Variants in FNIP1 observed in about 807,000 individuals in gnomAD.
The protein encoded by FNIP1 is folliculin interacting protein 1.
FNIP1 carries 40 observed loss-of-function variants against 124.5 expected under a neutral mutation model. The observed-to-expected ratio is 0.32, with a 90% CI of 0.25 to 0.42. The LOEUF is 0.42. Ranked by LOEUF, FNIP1 falls within the 10% of genes least tolerant of loss-of-function variation. The probability of loss-of-function intolerance (pLI) is 1.00; values close to 1 mark genes in which losing one functional copy is unlikely to be tolerated. For missense variants in FNIP1, 1,176 were observed against 1,403.7 expected, an observed-to-expected ratio of 0.84 and a Z score of 2.59; for synonymous variants, 472 against 470.6, an observed-to-expected ratio of 1.00 and a Z score of -0.04.
Position 131,719,035 on chromosome 5 carries a change from T to C in FNIP1, c.481A>G (p.Lys161Glu). 1 of 1,613,662 alleles carries C rather than the reference T, an allele frequency of 6.2e-7. No homozygotes were observed. Among genetic ancestry groups the C allele is most frequent in the Non-Finnish European group, 8.5e-7 (1 of 1,179,664 alleles). Residue 161 changes from lysine to glutamate, a missense_variant, in exon 5 of 18, where the codon AAA becomes GAA. Transcript: ENST00000510461. Reference protein sequence around the residue: ...IRSPPQLMLSKVFTARTGSSI... With the variant: ...IRSPPQLMLSEVFTARTGSSI... ...CTGCCAGTCCGAGCAGTAAACACTT[T>C]GCTGAGCATGAGCTGTGGAGGGGAA...
At chr5:131,773,960 G>C in intron 1 of FNIP1, among the ~76,000 whole-genome samples, 1 of 152,178 alleles carries the variant, frequency 6.6e-6, no homozygotes, top group East Asian at 1.9e-4. Flanking sequence ...AAAAGAGGGA[G>C]CAGGGGGAGG....
intron 3 of FNIP1, among the ~76,000 whole-genome samples, chr5:131,719,666 TAC>T (rs923563678): frequency 6.6e-5 from 10 of 152,346 alleles, no homozygotes; most frequent in Non-Finnish European, 1.0e-4. Flanking sequence ...ATGAAAATAC[TAC>T]AGTTTGTCAG....
intron 5 of FNIP1, among the ~76,000 whole-genome samples, 172 bp downstream of exon 5, chr5:131,718,814 C>G (rs1432696865): frequency 2.0e-5 from 3 of 152,216 alleles, no homozygotes; most frequent in Non-Finnish European, 2.9e-5. Context: ...AACCACATCT[C>G]ATGTTTCTCA....
chr5:131,653,763 A>G (rs1767112846), intron 15 of FNIP1, among the ~76,000 whole-genome samples: 1 of 152,182 alleles, frequency 6.6e-6, no homozygotes. Flanking sequence ...TTTTTCAGAC[A>G]GTCTCACTCT....
At chr5:131,699,486 C>T (rs1048954340) in intron 10 of FNIP1, among the ~76,000 whole-genome samples, 8 of 151,366 alleles carry the variant, frequency 5.3e-5, no homozygotes, top group African/African-American at 1.5e-4. Context: ...CTCTGCCACC[C>T]GGGTTCAAGC....
chr5:131,734,071 T>C (rs1277840300), intron 2 of FNIP1, among the ~76,000 whole-genome samples: 1 of 152,188 alleles, frequency 6.6e-6, no homozygotes, highest in Non-Finnish European at 1.5e-5. Flanking sequence ...GATGTATGTG[T>C]TGAGGAATTT....
intron 2 of FNIP1, among the ~76,000 whole-genome samples, chr5:131,740,642 A>G (rs886876098): frequency 6.6e-6 from 1 of 152,228 alleles, no homozygotes; most frequent in Non-Finnish European, 1.5e-5. Context: ...ATATCTCAAT[A>G]TATTTTTCTA....
At chr5:131,746,543 T>C (rs902316757) in intron 1 of FNIP1, among the ~76,000 whole-genome samples, 3 of 152,236 alleles carry the variant, frequency 2.0e-5, no homozygotes, top group African/African-American at 7.2e-5. Flanking sequence ...TTTCTGTTCC[T>C]GCATTAATTC....
chr5:131,677,060 G>A (rs1433067675), intron 13 of FNIP1, among the ~76,000 whole-genome samples: 2 of 152,172 alleles, frequency 1.3e-5, no homozygotes, highest in East Asian at 3.8e-4. Flanking sequence ...CATTTTACAT[G>A]TATTATCTCT....
rs567290369 is a variant in FNIP1, at chr5:131,727,759, T to C, written c.354+3145A>G. On this transcript the variant is annotated intron_variant, in intron 3 of 17. Coordinates refer to ENST00000510461, the MANE Select transcript of FNIP1 (RefSeq NM_133372.3). ...TTATTTTGCCTGTTTGTTCATGCTG[T>C]TTCTTCTTAGTGTCAACAGTGTTTA... 1.4e-4 allele frequency among the ~76,000 whole-genome samples: 21 copies of C among 152,310 alleles called. No individual in the cohort carries two copies. The South Asian group carries it at 4.4e-3, about 32-fold the overall frequency.
intron 15 of FNIP1, among the ~76,000 whole-genome samples, chr5:131,667,031 T>C (rs927057970): frequency 2.6e-5 from 4 of 152,152 alleles, no homozygotes; most frequent in Admixed American, 1.3e-4. Context: ...TCATCAGGTA[T>C]TGGGAGGGAA....
chr5:131,776,343 T>A (rs570291604), intron 1 of FNIP1, among the ~76,000 whole-genome samples: 1 of 152,332 alleles, frequency 6.6e-6, no homozygotes, highest in South Asian at 2.1e-4. Context: ...TTTGGAACTG[T>A]CATATAACAT....
At chr5:131,669,066 G>A (rs1767680183) in intron 15 of FNIP1, among the ~76,000 whole-genome samples, 2 of 152,292 alleles carry the variant, frequency 1.3e-5, no homozygotes, top group Non-Finnish European at 2.9e-5. Context: ...GATTGTAAGT[G>A]TATAATATAA....
At chr5:131,788,562 G>A (rs536919999) in intron 1 of FNIP1, among the ~76,000 whole-genome samples, 21 of 151,770 alleles carry the variant, frequency 1.4e-4, no homozygotes, top group Non-Finnish European at 2.4e-4. Context: ...ATTTTTGGGC[G>A]TGGTGGCACG....
In FNIP1 at chr5:131,653,725, T is replaced by A. The variant is rs552782496; in HGVS notation, c.3109-1726A>T. On this transcript the variant is annotated intron_variant, in intron 15 of 17. Transcript: ENST00000510461. Reference sequence around the variant, plus strand: ...CTTTTTACTCTGTATATCTTTATACTGTTTGAACTTTTAAATTTTTATTTA... The same window carrying A: ...CTTTTTACTCTGTATATCTTTATACAGTTTGAACTTTTAAATTTTTATTTA... Among the ~76,000 whole-genome samples the A allele has an allele frequency of 2.6e-5, 4 of 152,336 alleles. No individual in the cohort carries two copies. In the South Asian group the frequency reaches 8.3e-4, roughly 32 times the overall value.
At chr5:131,700,945 C>G (rs1338404839) in intron 10 of FNIP1, among the ~76,000 whole-genome samples, 1 of 152,144 alleles carries the variant, frequency 6.6e-6, no homozygotes, top group Non-Finnish European at 1.5e-5. Flanking sequence ...TACAATTGAA[C>G]AAATATCCAA....
intron 1 of FNIP1, among the ~76,000 whole-genome samples, chr5:131,747,358 T>C (rs1197235812): frequency 1.3e-5 from 2 of 152,228 alleles, no homozygotes; most frequent in African/African-American, 2.4e-5. Context: ...ATTTTGGTTT[T>C]CTTCTGTCTA....
chr5:131,697,154 G>A (rs1414808824), intron 11 of FNIP1, among the ~76,000 whole-genome samples: 1 of 151,966 alleles, frequency 6.6e-6, no homozygotes, highest in African/African-American at 2.4e-5. Flanking sequence ...CAATCTAGAA[G>A]ATCCCTGCCC....
At chr5:131,687,806 G>C (rs57333449) in intron 11 of FNIP1, among the ~76,000 whole-genome samples, 16 of 152,286 alleles carry the variant, frequency 1.1e-4, no homozygotes, top group African/African-American at 3.9e-4. Context: ...TAGGGACCTA[G>C]TCTTAGGGAG....
Sources: allele counts gnomAD v4.1 joint callset (sites outside exome capture counted in the v4.1 genomes callset), GRCh38; gene constraint gnomAD v4.1.1; transcripts MANE v1.5; gene names NCBI Gene and HGNC (gene_info 2026-07-23, HGNC 2026-07-21).